CAPN1: variants seen among roughly 807,000 people sequenced by gnomAD.
CAPN1 encodes the protein calpain-1 catalytic subunit.
CAPN1 carries 77 observed loss-of-function variants against 105.2 expected under a neutral mutation model. The ratio of observed to expected loss-of-function variants is 0.73; its 90% CI spans 0.61 to 0.88. The LOEUF is 0.88. Among genes scored for constraint, CAPN1 ranks in the 40% least tolerant of loss-of-function variants. The probability of loss-of-function intolerance (pLI) is 0.00; values close to 1 mark genes in which losing one functional copy is unlikely to be tolerated. For synonymous variants in CAPN1, 355 were observed against 388.8 expected (o/e 0.91, Z 1.02); for missense variants, 833 against 976.6 (o/e 0.85, Z 1.96).
chr11:65,205,856 C>T (rs375164574), intron 12 of CAPN1, 135 bp downstream of exon 12: 23 of 801,834 alleles, frequency 2.9e-5, no homozygotes, highest in African/African-American at 2.2e-4. Context: ...AATGCTTCTC[C>T]CCACCTGTTC....
chr11:65,183,230 T>G, intron 3 of CAPN1, 33 bp downstream of exon 3: 1 of 1,593,784 alleles, frequency 6.3e-7, no homozygotes, highest in Non-Finnish European at 8.6e-7. Context: ...CCCGGGTATT[T>G]TTTCCACAGT....
Position 65,210,599 on chromosome 11 carries a change from G to T in CAPN1, c.2059+147G>T. The T allele has an allele frequency of 1.4e-6, 1 of 711,206 alleles. No homozygotes were observed. The highest frequency in any genetic ancestry group is 2.7e-5 in the East Asian group (1 of 37,138). 44.1% of individuals were successfully genotyped at this position (711,206 alleles called of 1,614,324 possible). A position where few individuals can be genotyped will look rare whatever the true frequency, so the allele number is the denominator to read the frequency against. ...AGAGGCCTGGGTCTGGGTTTGGGGG[G>T]CCCTGGCTGAGTGCCAGGAGAGTCG... On this transcript the variant is annotated intron_variant, in intron 20 of 21. Coordinates refer to ENST00000279247, the MANE Select transcript of CAPN1 (RefSeq NM_005186.4). This position sits in a 1 kb window ranked among gnomAD's most constrained non-coding sequence, Gnocchi z 4.3.
rs1442962780 is a variant in CAPN1 at position 65,208,297 on chromosome 11, A to G, written c.1729+35A>G. ...CGCGGGGCTGTCCCACCACCCCACC[A>G]TTTCTTCCACATCAGAATCCAGGCT... On this transcript the variant is annotated intron_variant, in intron 16 of 21. Transcript: ENST00000279247. The surrounding 1 kb of genome is among the most constrained non-coding windows in gnomAD (Gnocchi z 4.1). The G allele has an allele frequency of 6.5e-7, 1 of 1,537,764 alleles. No homozygotes were observed. The highest frequency in any genetic ancestry group is 2.0e-5 in the Admixed American group (1 of 51,092).
At chr11:65,211,169 G>A (rs1324451009) in intron 21 of CAPN1, 91 bp from the exon 22 acceptor site, 13 of 1,434,410 alleles carry the variant, frequency 9.1e-6, no homozygotes, top group East Asian at 2.3e-5. Flanking sequence ...CTCCTGAGAC[G>A]TGGAGTTGGG....
Position 65,209,818 on chromosome 11 carries a change from T to C in CAPN1, c.1795-31T>C, listed in dbSNP as rs774497807. The C allele has an allele frequency of 6.2e-7, 1 of 1,609,800 alleles. No homozygotes were observed. The highest frequency in any genetic ancestry group is 1.3e-5 in the African/African-American group (1 of 74,836). On this transcript the variant is annotated intron_variant, in intron 17 of 21. Transcript: ENST00000279247. This position sits in a 1 kb window ranked among gnomAD's most constrained non-coding sequence, Gnocchi z 4.1. ...CCCACTCTCCCATGACTGGTCTAAG[T>C]GATGGAATTTCCTTCTTAACGGCCA...
At chr11:65,186,494 C>G (rs1187203923) in intron 6 of CAPN1, among the ~76,000 whole-genome samples, 156 bp downstream of exon 6, 2 of 152,066 alleles carry the variant, frequency 1.3e-5, no homozygotes, top group Non-Finnish European at 2.9e-5. Flanking sequence ...ATCACTTCCA[C>G]CCCCCATGCC....
At chr11:65,181,723 C>T, upstream of CAPN1, 1 of 253,672 alleles carries the variant, frequency 3.9e-6, no homozygotes, top group South Asian at 2.9e-5. This position sits in a 1 kb window ranked among gnomAD's most constrained non-coding sequence, Gnocchi z 4.6. Flanking sequence ...CTGCCTTTTA[C>T]TAATTTGTCC....
intron 12 of CAPN1, chr11:65,206,028 C>G (rs1948951595): frequency 1.7e-5 from 9 of 529,588 alleles, no homozygotes; most frequent in Admixed American, 3.2e-5. Context: ...GGCGGTCCAG[C>G]AATGTCAGGA....
chr11:65,201,059 C>G (rs1948862043), intron 10 of CAPN1, among the ~76,000 whole-genome samples: 1 of 150,544 alleles, frequency 6.6e-6, no homozygotes, highest in Non-Finnish European at 1.5e-5. Context: ...ATTCTCCTGC[C>G]TCAGCCTCCC....
intron 4 of CAPN1, 76 bp from the exon 5 acceptor site, chr11:65,185,841 A>G: frequency 3.4e-6 from 5 of 1,456,738 alleles, no homozygotes; most frequent in Non-Finnish European, 4.6e-6. Context: ...TCCTGCATCT[A>G]GGAAGGTAGG....
rs751556530 is a variant in CAPN1 at position 65,185,918 on chromosome 11, T to G, written c.458T>G (p.Leu153Arg). The G allele has an allele frequency of 6.3e-7, 1 of 1,580,680 alleles. No homozygotes were observed. The highest frequency in any genetic ancestry group is 8.6e-7 in the Non-Finnish European group (1 of 1,163,338). Residue 153 changes from leucine to arginine, a missense_variant and splice_region_variant, in exon 5 of 22, where the codon CTG becomes CGG. Coordinates refer to ENST00000279247, the MANE Select transcript of CAPN1 (RefSeq NM_005186.4). ...ACTCACCGTGCCCCTCCCCCACAGC[T>G]GTGGCAATTTGGGGAGTGGGTGGAC... ...NGYAGIFHFQ[L>R]WQFGEWVDVV...
chr11:65,201,008 A>G (rs1052005362), intron 10 of CAPN1, among the ~76,000 whole-genome samples: 2 of 128,438 alleles, frequency 1.6e-5, no homozygotes, highest in African/African-American at 6.0e-5. Flanking sequence ...GCAGTGGCGC[A>G]ATCTCAGCTC....
At chr11:65,195,105 T>TA (rs1948773803) in intron 10 of CAPN1, among the ~76,000 whole-genome samples, 1 of 140,280 alleles carries the variant, frequency 7.1e-6, no homozygotes, top group Non-Finnish European at 1.6e-5. Flanking sequence ...TTGGGGTTTT[T>TA]TTTTTTTTTT....
At chr11:65,198,398 G>A (rs574950354) in intron 10 of CAPN1, among the ~76,000 whole-genome samples, 2 of 151,990 alleles carry the variant, frequency 1.3e-5, no homozygotes, top group South Asian at 2.1e-4. Context: ...CACCTGCCTC[G>A]GCCTCCCAAA....
At position 65,209,447 on chromosome 11, in the gene CAPN1, G is replaced by A; in HGVS notation, c.1794+60G>A. 1 of 1,407,992 alleles carries A rather than the reference G, an allele frequency of 7.1e-7. No individual in the cohort carries two copies. Among genetic ancestry groups the A allele is most frequent in the Non-Finnish European group, 1.0e-6 (1 of 1,002,966 alleles). The allele number at this position is 1,407,992 out of a possible 1,614,324, so 87.2% of individuals were successfully genotyped here. A position where few individuals can be genotyped will look rare whatever the true frequency, so the allele number is the denominator to read the frequency against. On this transcript the variant is annotated intron_variant, in intron 17 of 21. Transcript: ENST00000279247. The surrounding 1 kb of genome is among the most constrained non-coding windows in gnomAD (Gnocchi z 4.1). The stretch of plus-strand genomic sequence containing the variant: ...GTTTTGGGTGGAGGTATCGGTGCTG[G>A]GAGAACTGTCCCAGGACAGCACAGA...
chr11:65,199,398 A>G (rs1039130543), intron 10 of CAPN1, among the ~76,000 whole-genome samples: 3 of 152,120 alleles, frequency 2.0e-5, no homozygotes, highest in East Asian at 1.9e-4. Flanking sequence ...ACGATTCACC[A>G]TGATGTGTGG....
intron 6 of CAPN1, among the ~76,000 whole-genome samples, chr11:65,186,803 G>A (rs1173352006): frequency 3.3e-5 from 5 of 152,014 alleles, no homozygotes; most frequent in Admixed American, 6.6e-5. Flanking sequence ...ACTGCCATCC[G>A]CAGCTCTAAC....
At chr11:65,190,905 GT>G (rs1948711414) in intron 10 of CAPN1, among the ~76,000 whole-genome samples, 1 of 152,084 alleles carries the variant, frequency 6.6e-6, no homozygotes, top group Non-Finnish European at 1.5e-5. Flanking sequence ...TAGAGACGGG[GT>G]TTCACCATGT....
rs769718790 is a variant in CAPN1 at position 65,183,215 on chromosome 11, C to T, written c.337+18C>T. 12 of 1,611,608 alleles carry T rather than the reference C, an allele frequency of 7.4e-6. No individual in the cohort carries two copies. In the East Asian group the frequency reaches 2.2e-4, roughly 30 times the overall value. On this transcript the variant is annotated intron_variant, in intron 3 of 21. Coordinates refer to ENST00000279247, the MANE Select transcript of CAPN1 (RefSeq NM_005186.4). ...AGCACTGGGTAGGCCCCCAGGGCGT[C>T]GGGTCCCGGGTATTTTTTCCACAGT...
Sources: gnomAD v4.1 joint callset for allele counts (sites outside exome capture counted in the v4.1 genomes callset) on GRCh38, gnomAD v4.1.1 for gene constraint, Gnocchi (gnomAD v3.1) non-coding constraint, MANE v1.5 for transcripts, NCBI Gene and HGNC (gene_info 2026-07-23, HGNC 2026-07-21) for gene names.